Variants in EGLN1 observed in about 807,000 individuals in gnomAD.
The protein encoded by EGLN1 is egl-9 family hypoxia inducible factor 1.
Under a neutral mutation model 38.3 loss-of-function variants are expected in EGLN1, and 17 were observed. That is an observed-to-expected ratio of 0.44 (90% CI 0.30 to 0.67). EGLN1 has a LOEUF of 0.67. EGLN1 is among the 30% of genes least tolerant of loss of function. The pLI is 0.08. For missense variants in EGLN1, 477 were observed against 603.3 expected, an observed-to-expected ratio of 0.79 and a Z score of 2.19; for synonymous variants, 283 against 257.5, an observed-to-expected ratio of 1.10 and a Z score of -0.95.
At chr1:231,400,122 T>G (rs1379484395) in intron 1 of EGLN1, among the ~76,000 whole-genome samples, 1 of 152,112 alleles carries the variant, frequency 6.6e-6, no homozygotes, top group Non-Finnish European at 1.5e-5. Context: ...GCTTATAGGT[T>G]GTGAGAGGTG....
intron 1 of EGLN1, 110 bp from the exon 2 acceptor site, chr1:231,374,209 C>T: frequency 1.1e-6 from 1 of 923,490 alleles, no homozygotes; most frequent in Non-Finnish European, 1.7e-6. Context: ...TTAGATTCTT[C>T]TAATAAAAAT....
chr1:231,410,895 A>C (rs958137116), intron 1 of EGLN1, among the ~76,000 whole-genome samples: 1 of 151,856 alleles, frequency 6.6e-6, no homozygotes, highest in Non-Finnish European at 1.5e-5. Flanking sequence ...GCTAAAAAGC[A>C]ATTTTCAAGG....
At chr1:231,383,100 T>C (rs1181199786) in intron 1 of EGLN1, among the ~76,000 whole-genome samples, 1 of 143,598 alleles carries the variant, frequency 7.0e-6, no homozygotes, top group East Asian at 2.0e-4. Context: ...GCTTGTCAGA[T>C]GTTCTAAAAG....
chr1:231,368,180 G>A (rs955472862), intron 3 of EGLN1, among the ~76,000 whole-genome samples: 2 of 152,034 alleles, frequency 1.3e-5, no homozygotes, highest in Admixed American at 6.6e-5. Flanking sequence ...GACAGAGTGA[G>A]CCTCCCTCTA....
At chr1:231,368,405 C>A (rs1190717586) in intron 3 of EGLN1, among the ~76,000 whole-genome samples, 2 of 152,088 alleles carry the variant, frequency 1.3e-5, no homozygotes, top group African/African-American at 4.8e-5. Context: ...TTAAATTATG[C>A]TAAGAATTTT....
chr1:231,403,876 A>G (rs940887958), intron 1 of EGLN1, among the ~76,000 whole-genome samples: 6 of 151,730 alleles, frequency 4.0e-5, no homozygotes, highest in Non-Finnish European at 5.9e-5. Flanking sequence ...TTATTAAATT[A>G]TTCAAAGTAT....
Position 231,421,791 on chromosome 1 carries a change from C to T in EGLN1, c.98G>A (p.Cys33Tyr). 6.4e-7 allele frequency: 1 copy of T among 1,558,666 alleles called. No homozygotes were observed. Among genetic ancestry groups the T allele is most frequent in the South Asian group, 1.2e-5 (1 of 86,288 alleles). The change falls in exon 1 of 5, where the codon TGC becomes TAC. Residue 33 changes from cysteine (C) to tyrosine (Y), a missense_variant. By Grantham distance (194) the Cys-to-Tyr change is radical (BLOSUM62 -2). Around this residue, in one of 4 missense-constraint regions of EGLN1, gnomAD observed 298 missense variants for 288.9 expected, o/e 1.03. Transcript: ENST00000366641. This position sits in a 1 kb window ranked among gnomAD's most constrained non-coding sequence, Gnocchi z 5.5. Reference sequence around the variant, plus strand: ...GTAGAAGGAGCTGCGGCAGCGGCTGCAGCGCAGCAGGTTCTCCATCTTCCC... The same window carrying T: ...GTAGAAGGAGCTGCGGCAGCGGCTGTAGCGCAGCAGGTTCTCCATCTTCCC... The part of the protein sequence containing the change: ...LCGKMENLLR[C>Y]SRCRSSFYCC...
rs182153231 is a variant in EGLN1, at chr1:231,397,644, C to T, written c.891+23354G>A. The stretch of plus-strand genomic sequence containing the variant: ...GAGTCACCTGACCCCTGCATCAAAA[C>T]ATGAGGATTGTTAAGGCTAGAACTG... On this transcript the variant is annotated intron_variant, in intron 1 of 4. Transcript: ENST00000366641. Among the ~76,000 whole-genome samples, 546 of 145,260 alleles carry T rather than the reference C, an allele frequency of 3.8e-3. 2 individuals carry two copies. The highest frequency in any genetic ancestry group is 6.6e-3 in the Non-Finnish European group (432 of 65,118).
intron 3 of EGLN1, among the ~76,000 whole-genome samples, chr1:231,369,234 C>T (rs1424343217): frequency 6.6e-6 from 1 of 152,190 alleles, no homozygotes; most frequent in Non-Finnish European, 1.5e-5. Context: ...TGAGCCTCTC[C>T]CTTCAAAGCG....
At chr1:231,381,434 A>G (rs1688076272) in intron 1 of EGLN1, among the ~76,000 whole-genome samples, 1 of 152,194 alleles carries the variant, frequency 6.6e-6, no homozygotes, top group Admixed American at 6.5e-5. Flanking sequence ...AAACAATGAA[A>G]GATTATTGAA....
At chr1:231,416,703 G>C (rs114315268) in intron 1 of EGLN1, among the ~76,000 whole-genome samples, 1 of 151,992 alleles carries the variant, frequency 6.6e-6, no homozygotes, top group African/African-American at 2.4e-5. Context: ...AATTCCTTTC[G>C]AACTAAAGGA....
rs1553353098 is a variant in EGLN1, at chr1:231,391,092, T to TTTG, written c.892-16994_892-16993insCAA. Among the ~76,000 whole-genome samples the TTTG allele has an allele frequency of 2.8e-4, 19 of 67,366 alleles. 3 individuals are homozygous for TTTG. Among genetic ancestry groups the TTTG allele is most frequent in the African/African-American group, 3.3e-4 (7 of 21,062 alleles). The allele number at this position is 67,366 out of a possible 152,430, so 44.2% of individuals were successfully genotyped here. On this transcript the variant is annotated intron_variant, in intron 1 of 4. Transcript: ENST00000366641. ...ACAGGGAACTCATTCTGTTTTTTTT[T>TTTG]TGTGTGTGTGTGTGTGTGTGTGTGT...
Position 231,366,409 on chromosome 1 carries a change from C to A in EGLN1, c.*2G>T, listed in dbSNP as rs1687646771. 6.2e-7 allele frequency: 1 copy of A among 1,613,872 alleles called. No homozygotes were observed. Among genetic ancestry groups the A allele is most frequent in the Non-Finnish European group, 8.5e-7 (1 of 1,179,918 alleles). ...AAGTGGGGTATTGCTGGATCAAAGG[C>A]TCTAGAAGACGTCTTTACCGACCGA... On this transcript the variant is annotated 3_prime_UTR_variant, in exon 5 of 5. Transcript: ENST00000366641.
intron 1 of EGLN1, among the ~76,000 whole-genome samples, chr1:231,406,613 C>A (rs1408127198): frequency 6.6e-6 from 1 of 152,054 alleles, no homozygotes; most frequent in Admixed American, 6.5e-5. Flanking sequence ...ACTGAACACA[C>A]ACAGAAACCT....
At chr1:231,412,679 G>A (rs1302393659) in intron 1 of EGLN1, among the ~76,000 whole-genome samples, 1 of 152,172 alleles carries the variant, frequency 6.6e-6, no homozygotes, top group Non-Finnish European at 1.5e-5. Flanking sequence ...GGGGCTAGAA[G>A]GTCAACAGTA....
chr1:231,421,939 AGCGGCCGGACG>A lies in EGLN1; in HGVS notation c.-62_-52del. 2 of 1,344,954 alleles carry A rather than the reference AGCGGCCGGACG, an allele frequency of 1.5e-6. No homozygotes were observed. Among genetic ancestry groups the A allele is most frequent in the Non-Finnish European group, 1.9e-6 (2 of 1,059,628 alleles). The allele number at this position is 1,344,954 out of a possible 1,614,324, so 83.3% of individuals were successfully genotyped here. A position where few individuals can be genotyped will look rare whatever the true frequency, so the allele number is the denominator to read the frequency against. On this transcript the variant is annotated 5_prime_UTR_variant, in exon 1 of 5. Coordinates refer to ENST00000366641, the MANE Select transcript of EGLN1 (RefSeq NM_022051.3). The surrounding 1 kb of genome is among the most constrained non-coding windows in gnomAD (Gnocchi z 5.5). ...ACTGCGGCGGCCGAGCAGGAGGGGT[AGCGGCCGGACG>A]GCCTCGCCCGAGGCTGGGGAGCGGG... is the stretch of plus-strand genomic sequence containing the variant.
intron 1 of EGLN1, among the ~76,000 whole-genome samples, chr1:231,391,092 T>TTTTG (rs1553353098): frequency 0.025 from 1,709 of 67,284 alleles, 263 homozygotes; most frequent in African/African-American, 0.07. Flanking sequence ...TGTTTTTTTT[T>TTTTG]TGTGTGTGTG....
intron 1 of EGLN1, among the ~76,000 whole-genome samples, chr1:231,411,518 T>A (rs1261225103): frequency 6.6e-6 from 1 of 152,226 alleles, no homozygotes; most frequent in East Asian, 1.9e-4. Context: ...AAGGTGTTAT[T>A]ACATAAAAAT....
chr1:231,371,360 A>C (rs577769014), intron 2 of EGLN1, among the ~76,000 whole-genome samples: 4 of 152,230 alleles, frequency 2.6e-5, no homozygotes, highest in Non-Finnish European at 5.9e-5. Context: ...TTTTGACAAA[A>C]TTATTATTAG....
Sources: gnomAD v4.1 joint callset for allele counts (sites outside exome capture counted in the v4.1 genomes callset) on GRCh38, gnomAD v4.1.1 for gene constraint, gnomAD v4.1.1 regional missense constraint, Gnocchi (gnomAD v3.1) non-coding constraint, MANE v1.5 for transcripts, NCBI Gene and HGNC (gene_info 2026-07-23, HGNC 2026-07-21) for gene names.